The following HCN1 variants were observed in gnomAD, a reference collection of about 807,000 sequenced individuals.
HCN1 encodes the protein hyperpolarization activated cyclic nucleotide gated potassium channel 1.
A neutral mutation model predicts 78.9 loss-of-function variants in HCN1; 13 were observed. That is an observed-to-expected ratio of 0.16 (90% CI 0.11 to 0.26). The LOEUF (loss-of-function observed/expected upper bound fraction) is 0.26. HCN1 is among the 10% of genes least tolerant of loss of function. HCN1 has a pLI of 1.00. For missense variants in HCN1, 810 were observed against 1,154.3 expected, an observed-to-expected ratio of 0.70 and a Z score of 4.32; for synonymous variants, 552 against 455.5, an observed-to-expected ratio of 1.21 and a Z score of -2.70.
intron 5 of HCN1, among the ~76,000 whole-genome samples, chr5:45,350,587 C>T (rs559035763): frequency 1.3e-5 from 2 of 151,454 alleles, no homozygotes; most frequent in South Asian, 2.1e-4. Flanking sequence ...GTCAAATTGT[C>T]CCTGTTTGCA....
At chr5:45,374,170 A>AATATATATTATATATTATATACATT (rs1561130331) in intron 4 of HCN1, among the ~76,000 whole-genome samples, 5 of 115,142 alleles carry the variant, frequency 4.3e-5, no homozygotes, top group African/African-American at 6.5e-5. Flanking sequence ...TTATATACAT[A>AATATATATTATATATTATATACATT]ATATATATTA....
At chr5:45,588,236 C>T (rs1330485228) in intron 2 of HCN1, among the ~76,000 whole-genome samples, 4 of 152,016 alleles carry the variant, frequency 2.6e-5, no homozygotes, top group Admixed American at 6.6e-5. Context: ...TAATAATGTA[C>T]ATTTATATTC....
At chr5:45,437,744 T>C (rs1338291713) in intron 3 of HCN1, among the ~76,000 whole-genome samples, 2 of 152,236 alleles carry the variant, frequency 1.3e-5, no homozygotes, top group African/African-American at 4.8e-5. Flanking sequence ...TATCTATTGC[T>C]GTATAACAAG....
chr5:45,489,920 T>C (rs1741849217), intron 2 of HCN1, among the ~76,000 whole-genome samples: 2 of 152,178 alleles, frequency 1.3e-5, no homozygotes, highest in Admixed American at 6.6e-5. Flanking sequence ...AATACAAATA[T>C]AGTTCATTCA....
chr5:45,372,106 ATAATATAATTATATATT>A (rs1356146068), intron 4 of HCN1, among the ~76,000 whole-genome samples: 28 of 62,536 alleles, frequency 4.5e-4, no homozygotes, highest in South Asian at 9.3e-4. Flanking sequence ...TATTTTATAT[ATAATATAATTATATATT>A]ATATATATAA....
intron 2 of HCN1, among the ~76,000 whole-genome samples, chr5:45,556,803 T>C (rs900714724): frequency 6.6e-6 from 1 of 151,984 alleles, no homozygotes; most frequent in Non-Finnish European, 1.5e-5. Flanking sequence ...CTTATTCTTA[T>C]TGTTTCTCAT....
chr5:45,387,488 C>A (rs1173978075), intron 4 of HCN1, among the ~76,000 whole-genome samples: 1 of 151,752 alleles, frequency 6.6e-6, no homozygotes, highest in Non-Finnish European at 1.5e-5. Flanking sequence ...ACAGTGATAT[C>A]TTTGTTAATA....
intron 2 of HCN1, among the ~76,000 whole-genome samples, chr5:45,493,748 A>T (rs1348959586): frequency 9.0e-4 from 45 of 49,908 alleles, no homozygotes; most frequent in Middle Eastern, 9.8e-3. Context: ...TATCCCTCCC[A>T]CCTCCCCCCA....
At chr5:45,449,475 A>C (rs1400249810) in intron 3 of HCN1, among the ~76,000 whole-genome samples, 1 of 152,194 alleles carries the variant, frequency 6.6e-6, no homozygotes, top group Non-Finnish European at 1.5e-5. Context: ...CCAAGAGCTC[A>C]TCAGTCGTCT....
chr5:45,539,581 C>T (rs1194808088), intron 2 of HCN1, among the ~76,000 whole-genome samples: 4 of 150,724 alleles, frequency 2.7e-5, no homozygotes, highest in Admixed American at 1.3e-4. Context: ...AGGAGAATGG[C>T]GTGAACCCGG....
chr5:45,646,125 G>A (rs1284874499), intron 1 of HCN1, among the ~76,000 whole-genome samples: 2 of 151,886 alleles, frequency 1.3e-5, no homozygotes, highest in Non-Finnish European at 2.9e-5. Context: ...ATACAGATTA[G>A]TTTTGCCATG....
intron 3 of HCN1, among the ~76,000 whole-genome samples, chr5:45,444,002 C>G (rs548617481): frequency 6.6e-6 from 1 of 152,242 alleles, no homozygotes; most frequent in Non-Finnish European, 1.5e-5. Flanking sequence ...AAGAAATGTA[C>G]TACACAGAGA....
intron 2 of HCN1, among the ~76,000 whole-genome samples, chr5:45,581,633 C>A (rs551190042): frequency 6.6e-6 from 1 of 152,232 alleles, no homozygotes; most frequent in Non-Finnish European, 1.5e-5. Flanking sequence ...AGGTTTTCTT[C>A]TAGGGTTTTT....
At chr5:45,431,095 C>T (rs550203944) in intron 3 of HCN1, among the ~76,000 whole-genome samples, 7 of 152,250 alleles carry the variant, frequency 4.6e-5, no homozygotes, top group African/African-American at 1.7e-4. Flanking sequence ...GTAACTTTAC[C>T]AGCATCTGTT....
intron 2 of HCN1, among the ~76,000 whole-genome samples, chr5:45,577,873 A>C (rs917660785): frequency 1.3e-5 from 2 of 152,072 alleles, no homozygotes; most frequent in African/African-American, 2.4e-5. Flanking sequence ...TTGTTGCCTA[A>C]GTTGATATTA....
intron 1 of HCN1, among the ~76,000 whole-genome samples, chr5:45,668,764 A>C (rs1746097127): frequency 2.6e-5 from 4 of 151,802 alleles, no homozygotes; most frequent in Admixed American, 2.6e-4. Flanking sequence ...AATAAGCATG[A>C]TGCTTGTTTT....
At position 45,359,258 on chromosome 5, in the gene HCN1, G is replaced by A. The variant is rs143023621; in HGVS notation, c.1231-6012C>T. 7.8e-3 allele frequency among the ~76,000 whole-genome samples: 1,188 copies of A among 151,542 alleles called. 8 individuals are homozygous for A. The highest frequency in any genetic ancestry group is 0.012 in the Non-Finnish European group (829 of 67,908). ...GCTGTCCTTCCCATTGTATTAGAGGGGCAAATCACATAAATTGAAAAATAG... is the reference window on the plus strand; with the variant it reads ...GCTGTCCTTCCCATTGTATTAGAGGAGCAAATCACATAAATTGAAAAATAG... On this transcript the variant is annotated intron_variant, in intron 4 of 7. Coordinates refer to ENST00000303230, the MANE Select transcript of HCN1 (RefSeq NM_021072.4).
intron 4 of HCN1, among the ~76,000 whole-genome samples, chr5:45,362,902 G>C (rs1470160991): frequency 6.6e-6 from 1 of 151,510 alleles, no homozygotes; most frequent in African/African-American, 2.4e-5. Context: ...TTCTCAACCA[G>C]TTTCTTGAAA....
chr5:45,508,901 C>T (rs770191030), intron 2 of HCN1, among the ~76,000 whole-genome samples: 1 of 152,004 alleles, frequency 6.6e-6, no homozygotes, highest in Non-Finnish European at 1.5e-5. Flanking sequence ...GCCTGGTGAA[C>T]AAATGGTTTT....
Sources: gnomAD v4.1 joint callset for allele counts (sites outside exome capture counted in the v4.1 genomes callset) on GRCh38, gnomAD v4.1.1 for gene constraint, MANE v1.5 for transcripts, NCBI Gene and HGNC (gene_info 2026-07-23, HGNC 2026-07-21) for gene names.